The following BANK1 variants were observed in gnomAD, a reference collection of about 807,000 sequenced individuals.
BANK1 encodes the protein B-cell scaffold protein with ankyrin repeats.
A neutral mutation model predicts 94.5 loss-of-function variants in BANK1; 95 were observed. That is an observed-to-expected ratio of 1.00 (90% CI 0.85 to 1.19). BANK1 has a LOEUF of 1.19. BANK1 is among the 50% of genes most tolerant of loss of function. BANK1 has a pLI of 0.00. For missense variants in BANK1, 987 were observed against 932.2 expected, an observed-to-expected ratio of 1.06 and a Z score of -0.77; for synonymous variants, 334 against 308.4, an observed-to-expected ratio of 1.08 and a Z score of -0.87.
At position 101,790,959 on chromosome 4, in the gene BANK1, T is replaced by C. The variant is rs1724960521; in HGVS notation, c.70+9T>C. The C allele has an allele frequency of 6.7e-7, 1 of 1,499,994 alleles. No individual in the cohort carries two copies. The highest frequency in any genetic ancestry group is 8.8e-7 in the Non-Finnish European group (1 of 1,130,832). The allele number at this position is 1,499,994 out of a possible 1,614,324, so 92.9% of individuals were successfully genotyped here. ...CGGCCCAGCGCCCCCAGGTGGGTAGTCGCGCATTCGGAGGGGCTTGACGCC... is the reference window on the plus strand; with the variant it reads ...CGGCCCAGCGCCCCCAGGTGGGTAGCCGCGCATTCGGAGGGGCTTGACGCC... On this transcript the variant is annotated intron_variant, in intron 1 of 16. Transcript: ENST00000322953.
chr4:102,043,934 A>G, intron 11 of BANK1, 27 bp downstream of exon 11: 1 of 1,352,900 alleles, frequency 7.4e-7, no homozygotes, highest in Non-Finnish European at 1.1e-6. Context: ...CAATCTATTT[A>G]GTAATCTCTA....
At position 101,830,222 on chromosome 4, in the gene BANK1, C is replaced by T. The variant is rs1235066304; in HGVS notation, c.469+16C>T. 5 of 1,447,828 alleles carry T rather than the reference C, an allele frequency of 3.5e-6. No homozygotes were observed. The highest frequency in any genetic ancestry group is 2.6e-5 in the Admixed American group (1 of 37,788). 89.7% of individuals were successfully genotyped at this position (1,447,828 alleles called of 1,614,324 possible). On this transcript the variant is annotated intron_variant, in intron 2 of 16. Coordinates refer to ENST00000322953, the MANE Select transcript of BANK1 (RefSeq NM_017935.5). The stretch of plus-strand genomic sequence containing the variant: ...ATATTCAAAGGTAGTGTTGCCAAAC[C>T]TTGTTTGTTTTATTTTTATTTGTTT...
intron 1 of BANK1, 98 bp downstream of exon 1, chr4:101,791,048 T>C: frequency 1.0e-6 from 1 of 997,188 alleles, no homozygotes; most frequent in Non-Finnish European, 1.4e-6. Context: ...ACTCGGGCAC[T>C]GAGGCCAGGG....
intron 7 of BANK1, among the ~76,000 whole-genome samples, chr4:101,995,315 T>A (rs1725840939): frequency 6.6e-6 from 1 of 152,242 alleles, no homozygotes; most frequent in Non-Finnish European, 1.5e-5. Flanking sequence ...ATGTTGTATA[T>A]GTGTCACATT....
intron 11 of BANK1, among the ~76,000 whole-genome samples, chr4:102,054,765 C>T (rs1012340240): frequency 6.6e-6 from 1 of 152,042 alleles, no homozygotes; most frequent in African/African-American, 2.4e-5. Flanking sequence ...AATGGGGAGG[C>T]TTAAAAGATA....
At position 102,073,728 on chromosome 4, in the gene BANK1, C is replaced by G; in HGVS notation, c.2343C>G (p.Cys781Trp). ...TTGAAAAGGAATTTGGTTTCTGTTG[C>G]AAGAAAGATCATTAAAGAAGGTAAA... ...PQVEKEFGFC[C>W]KKDH Residue 781 changes from cysteine (C) to tryptophan (W), a missense_variant, in exon 16 of 17, where the codon TGC becomes TGG. Coordinates refer to ENST00000322953, the MANE Select transcript of BANK1 (RefSeq NM_017935.5). 2 of 1,610,346 alleles carry G rather than the reference C, an allele frequency of 1.2e-6. No homozygotes were observed. The highest frequency in any genetic ancestry group is 1.3e-5 in the African/African-American group (1 of 74,776).
intron 7 of BANK1, among the ~76,000 whole-genome samples, chr4:101,952,071 T>C (rs184287509): frequency 6.6e-6 from 1 of 151,968 alleles, no homozygotes; most frequent in Non-Finnish European, 1.5e-5. Flanking sequence ...TATTAATAAA[T>C]AAATAAATGC....
intron 1 of BANK1, among the ~76,000 whole-genome samples, chr4:101,822,891 A>T (rs1726226738): frequency 6.6e-6 from 1 of 152,144 alleles, no homozygotes; most frequent in Non-Finnish European, 1.5e-5. Flanking sequence ...CTGGGATTAC[A>T]CATATGAGCC....
chr4:101,858,538 G>A (rs1027592115), intron 3 of BANK1, among the ~76,000 whole-genome samples: 2 of 151,356 alleles, frequency 1.3e-5, no homozygotes, highest in African/African-American at 2.4e-5. Context: ...CTTCCTTTTG[G>A]TAGAATCTGC....
rs199811166 is a variant in BANK1, at chr4:102,052,113, C to CTT, written c.1970-8076_1970-8075dup. On this transcript the variant is annotated intron_variant, in intron 11 of 16. Transcript: ENST00000322953. ...GATTCCATAGATGTGTTCTTTTTTT[C>CTT]TTTTTTTTTTTTTTTTTTTTTTTGA... Among the ~76,000 whole-genome samples the CTT allele has an allele frequency of 3.4e-3, 352 of 103,946 alleles. 1 individual carries two copies. The highest frequency in any genetic ancestry group is 0.025 in the Middle Eastern group (4 of 162). The allele number at this position is 103,946 out of a possible 152,430, so 68.2% of individuals were successfully genotyped here. A position where few individuals can be genotyped will look rare whatever the true frequency, so the allele number is the denominator to read the frequency against.
chr4:102,029,824 C>T, intron 9 of BANK1, 136 bp from the exon 10 acceptor site: 1 of 703,046 alleles, frequency 1.4e-6, no homozygotes, highest in Non-Finnish European at 2.4e-6. Context: ...CTCCTGGAGT[C>T]ACGAGCTCTT....
At chr4:101,998,364 G>A (rs941164153) in intron 7 of BANK1, among the ~76,000 whole-genome samples, 21 of 152,072 alleles carry the variant, frequency 1.4e-4, no homozygotes, top group Non-Finnish European at 1.9e-4. Flanking sequence ...GAATAAGTGC[G>A]GTGTGGTGCT....
At position 101,918,094 on chromosome 4, in the gene BANK1, G is replaced by C; in HGVS notation, c.1111G>C (p.Ala371Pro). The change falls in exon 7 of 17, where the codon GCA becomes CCA. Residue 371 changes from alanine to proline, a missense_variant. Transcript: ENST00000322953. The stretch of plus-strand genomic sequence containing the variant: ...GCTTCAATGTTCAGGAGCAACCTGG[G>C]CATCTAAGATGAAAAATATGGAGGG... ...HLLQCSGATWASKMKNMEGSD... is the reference protein window; with the variant it reads ...HLLQCSGATWPSKMKNMEGSD... 1 of 1,612,118 alleles carries C rather than the reference G, an allele frequency of 6.2e-7. No individual in the cohort carries two copies. Among genetic ancestry groups the C allele is most frequent in the South Asian group, 1.1e-5 (1 of 90,926 alleles).
intron 7 of BANK1, among the ~76,000 whole-genome samples, chr4:101,951,698 G>T (rs1055222039): frequency 6.6e-6 from 1 of 151,964 alleles, no homozygotes; most frequent in South Asian, 2.1e-4. Context: ...TAAAAAATTT[G>T]TTTTTGCTCT....
At chr4:101,974,692 T>C (rs1033003538) in intron 7 of BANK1, among the ~76,000 whole-genome samples, 3 of 152,136 alleles carry the variant, frequency 2.0e-5, no homozygotes, top group Admixed American at 1.3e-4. Context: ...TACTGACTTT[T>C]TCATTATGAG....
At chr4:101,871,457 A>C (rs985192906) in intron 5 of BANK1, among the ~76,000 whole-genome samples, 1 of 152,134 alleles carries the variant, frequency 6.6e-6, no homozygotes, top group Non-Finnish European at 1.5e-5. Flanking sequence ...ACAAGTTTTC[A>C]TGAAGCTTTA....
chr4:101,983,522 T>C (rs1725386600), intron 7 of BANK1, among the ~76,000 whole-genome samples: 1 of 152,098 alleles, frequency 6.6e-6, no homozygotes. Flanking sequence ...ATAAAGTGCT[T>C]ACAACAATGC....
At chr4:101,834,648 A>T (rs1421551713) in intron 2 of BANK1, among the ~76,000 whole-genome samples, 1 of 152,218 alleles carries the variant, frequency 6.6e-6, no homozygotes, top group Non-Finnish European at 1.5e-5. Flanking sequence ...AGTACAAAAA[A>T]AAATGGGTGA....
intron 7 of BANK1, among the ~76,000 whole-genome samples, chr4:101,936,250 G>GT (rs1723536223): frequency 1.5e-5 from 2 of 132,152 alleles, no homozygotes; most frequent in Admixed American, 1.8e-4. Context: ...ATACATATAT[G>GT]ACACACATAC....
Sources: allele counts gnomAD v4.1 joint callset (sites outside exome capture counted in the v4.1 genomes callset), GRCh38; gene constraint gnomAD v4.1.1; transcripts MANE v1.5; gene names NCBI Gene and HGNC (gene_info 2026-07-23, HGNC 2026-07-21).